Variants in TMEM135 observed in about 807,000 individuals in gnomAD.
TMEM135 encodes the protein peroxisomal membrane protein 52.
Under a neutral mutation model 60.3 loss-of-function variants are expected in TMEM135, and 30 were observed. The observed-to-expected ratio is 0.50, with a 90% CI of 0.37 to 0.68. TMEM135 has a LOEUF of 0.68. Among genes scored for constraint, TMEM135 ranks in the 30% least tolerant of loss-of-function variants. The probability of loss-of-function intolerance (pLI) is 0.00; values close to 1 mark genes in which losing one functional copy is unlikely to be tolerated. For missense variants in TMEM135, 468 were observed against 548.8 expected (o/e 0.85, Z 1.47); for synonymous variants, 190 against 186.7 (o/e 1.02, Z -0.14).
chr11:87,065,642 T>G (rs1260332711), intron 1 of TMEM135, among the ~76,000 whole-genome samples: 1 of 152,214 alleles, frequency 6.6e-6, no homozygotes. Context: ...CCAACAGGTC[T>G]TTAATAGAGA....
intron 5 of TMEM135, among the ~76,000 whole-genome samples, chr11:87,215,850 C>T (rs1940488374): frequency 6.6e-6 from 1 of 152,134 alleles, no homozygotes; most frequent in African/African-American, 2.4e-5. Flanking sequence ...TTATATGTTT[C>T]CCTCTAGTAT....
At chr11:87,244,813 A>G (rs1202550393) in intron 6 of TMEM135, among the ~76,000 whole-genome samples, 6 of 83,182 alleles carry the variant, frequency 7.2e-5, no homozygotes, top group Admixed American at 6.1e-4. Context: ...TCCTGGATTC[A>G]TTAATTTTTT....
intron 8 of TMEM135, among the ~76,000 whole-genome samples, chr11:87,305,689 G>A (rs377136609): frequency 6.6e-5 from 10 of 152,188 alleles, no homozygotes; most frequent in Admixed American, 2.6e-4. Flanking sequence ...CAGGAGAATC[G>A]CTTGAACCTG....
At chr11:87,192,005 TCGAG>T (rs1939817094) in intron 5 of TMEM135, among the ~76,000 whole-genome samples, 1 of 146,034 alleles carries the variant, frequency 6.8e-6, no homozygotes, top group Admixed American at 6.8e-5. Context: ...TTTTTTTTTT[TCGAG>T]ATGGAGTCTT....
chr11:87,291,704 G>A (rs913453888), intron 6 of TMEM135, among the ~76,000 whole-genome samples: 1 of 151,470 alleles, frequency 6.6e-6, no homozygotes, highest in African/African-American at 2.4e-5. Context: ...CACCACGCCC[G>A]GCTAATTTTT....
intron 6 of TMEM135, among the ~76,000 whole-genome samples, chr11:87,258,660 G>A (rs1591146764): frequency 6.6e-6 from 1 of 152,154 alleles, no homozygotes; most frequent in Non-Finnish European, 1.5e-5. Context: ...ACTGAAGTAA[G>A]TCAGGATAGT....
intron 1 of TMEM135, among the ~76,000 whole-genome samples, chr11:87,044,931 G>A (rs1590975292): frequency 1.3e-5 from 2 of 152,182 alleles, no homozygotes; most frequent in East Asian, 3.9e-4. Flanking sequence ...ACAGGCGTAA[G>A]CCACCACGCC....
At chr11:87,186,195 G>A (rs1408913260) in intron 5 of TMEM135, among the ~76,000 whole-genome samples, 5 of 152,122 alleles carry the variant, frequency 3.3e-5, no homozygotes, top group African/African-American at 9.7e-5. Flanking sequence ...ATGAGCCACC[G>A]TGCCCAGCTG....
intron 6 of TMEM135, among the ~76,000 whole-genome samples, chr11:87,271,253 C>G (rs528451697): frequency 7.9e-5 from 12 of 152,206 alleles, no homozygotes; most frequent in African/African-American, 2.9e-4. Flanking sequence ...TGATCAATAA[C>G]CAGCCCCCAA....
chr11:87,141,894 T>G (rs763066537), intron 4 of TMEM135, among the ~76,000 whole-genome samples: 2 of 152,206 alleles, frequency 1.3e-5, no homozygotes, highest in Non-Finnish European at 2.9e-5. Context: ...AGCAGCAGTC[T>G]TTTATGTTTT....
chr11:87,065,228 C>G (rs1037154520), intron 1 of TMEM135, among the ~76,000 whole-genome samples: 1 of 152,132 alleles, frequency 6.6e-6, no homozygotes, highest in Non-Finnish European at 1.5e-5. Flanking sequence ...ATTGCTGGGA[C>G]AAATAATAGT....
At chr11:87,245,901 T>G (rs10898629) in intron 6 of TMEM135, among the ~76,000 whole-genome samples, 1,237 of 54,978 alleles carry the variant, frequency 0.022, 26 homozygotes, top group South Asian at 0.037. Flanking sequence ...ATTATGATGT[T>G]AGCTGGTTAT....
chr11:87,135,810 C>G lies in TMEM135; in HGVS notation c.397-21531C>G, dbSNP rs561431669. On this transcript the variant is annotated intron_variant, in intron 4 of 14. Coordinates refer to ENST00000305494, the MANE Select transcript of TMEM135 (RefSeq NM_022918.4). ...GATATCTATTAGAATTATATTTAAT[C>G]TCTAGATCAATTTTGGCAGAATTAA... is the stretch of plus-strand genomic sequence containing the variant. Among the ~76,000 whole-genome samples the G allele has an allele frequency of 3.3e-5, 5 of 152,052 alleles. No individual in the cohort carries two copies. The South Asian group carries it at 1.0e-3, about 32-fold the overall frequency.
chr11:87,275,354 A>G (rs1484462767), intron 6 of TMEM135, among the ~76,000 whole-genome samples: 1 of 152,148 alleles, frequency 6.6e-6, no homozygotes, highest in African/African-American at 2.4e-5. Flanking sequence ...GCTAGCAACC[A>G]TTACAGACTT....
intron 6 of TMEM135, among the ~76,000 whole-genome samples, chr11:87,266,246 C>T (rs1212020207): frequency 6.6e-6 from 1 of 152,112 alleles, no homozygotes; most frequent in Non-Finnish European, 1.5e-5. Flanking sequence ...CCCTAAGTCC[C>T]TCACCCTTGG....
In TMEM135 at chr11:87,072,830, G is replaced by A. The variant is rs113887931; in HGVS notation, c.362+1215G>A. ...TAAACAGTTAAAGTTTAAAGGTTTT[G>A]CCATAAGAAAATACTTGCCATCTCA... is the stretch of plus-strand genomic sequence containing the variant. On this transcript the variant is annotated intron_variant, in intron 3 of 14. Transcript: ENST00000305494. Among the ~76,000 whole-genome samples the A allele has an allele frequency of 5.5e-4, 84 of 152,270 alleles. 2 individuals carry two copies. The highest frequency in any genetic ancestry group is 1.9e-3 in the African/African-American group (80 of 41,552).
intron 4 of TMEM135, among the ~76,000 whole-genome samples, chr11:87,104,329 T>G (rs1313451262): frequency 1.3e-5 from 2 of 152,198 alleles, no homozygotes; most frequent in Non-Finnish European, 2.9e-5. Flanking sequence ...CTGTTTTGAT[T>G]AAAATAGATT....
chr11:87,273,442 C>T (rs1029530981), intron 6 of TMEM135, among the ~76,000 whole-genome samples: 2 of 151,772 alleles, frequency 1.3e-5, no homozygotes, highest in Admixed American at 1.3e-4. Context: ...CTTTTCTTTC[C>T]TTTATCCATT....
Position 87,067,838 on chromosome 11 carries a change from A to G in TMEM135, c.269+17A>G, listed in dbSNP as rs1856696495. The G allele has an allele frequency of 1.9e-6, 3 of 1,612,778 alleles. No individual in the cohort carries two copies. Among genetic ancestry groups the G allele is most frequent in the South Asian group, 2.2e-5 (2 of 91,068 alleles). On this transcript the variant is annotated intron_variant, in intron 2 of 14. Coordinates refer to ENST00000305494, the MANE Select transcript of TMEM135 (RefSeq NM_022918.4). ...CATTTTAAGGTTGGTACTCATAATC[A>G]CCATAGATACTAATATAGGTTCTTC...
Sources: gnomAD v4.1 joint callset for allele counts (sites outside exome capture counted in the v4.1 genomes callset) on GRCh38, gnomAD v4.1.1 for gene constraint, MANE v1.5 for transcripts, NCBI Gene and HGNC (gene_info 2026-07-23, HGNC 2026-07-21) for gene names.